APBA1: variants seen among roughly 807,000 people sequenced by gnomAD.
The protein encoded by APBA1 is amyloid-beta A4 precursor protein-binding family A member 1.
A neutral mutation model predicts 86.6 loss-of-function variants in APBA1; 55 were observed. That is an observed-to-expected ratio of 0.64 (90% CI 0.51 to 0.80). The LOEUF is 0.80. APBA1 is among the 30% of genes least tolerant of loss of function. APBA1 has a pLI of 0.00. For missense variants in APBA1, 1,090 were observed against 1,183.0 expected (o/e 0.92, Z 1.15); for synonymous variants, 511 against 493.9 (o/e 1.03, Z -0.46).
At chr9:69,496,696 A>G (rs1473564897) in intron 2 of APBA1, among the ~76,000 whole-genome samples, 1 of 152,064 alleles carries the variant, frequency 6.6e-6, no homozygotes, top group Non-Finnish European at 1.5e-5. Context: ...ATCTCTTCCT[A>G]CTTTACAGCA....
chr9:69,627,534 C>T (rs2133995074), intron 1 of APBA1, among the ~76,000 whole-genome samples: 1 of 151,160 alleles, frequency 6.6e-6, no homozygotes, highest in South Asian at 2.1e-4. Flanking sequence ...TGTGTGTGTG[C>T]CATCTGGGTG....
chr9:69,632,320 T>A (rs1401255199), intron 1 of APBA1, among the ~76,000 whole-genome samples: 1 of 152,132 alleles, frequency 6.6e-6, no homozygotes, highest in African/African-American at 2.4e-5. Flanking sequence ...TATTAATCAT[T>A]ACTGAATGCT....
At chr9:69,576,026 TC>T (rs1345010124) in intron 1 of APBA1, among the ~76,000 whole-genome samples, 1 of 151,326 alleles carries the variant, frequency 6.6e-6, no homozygotes, top group Non-Finnish European at 1.5e-5. Flanking sequence ...AAACAAACAA[TC>T]CCAACAAAAA....
chr9:69,526,932 A>G (rs890922629), intron 1 of APBA1, among the ~76,000 whole-genome samples: 11 of 152,260 alleles, frequency 7.2e-5, no homozygotes, highest in African/African-American at 2.6e-4. Context: ...TTGTAGCAAC[A>G]TGCATGCAGC....
chr9:69,526,623 A>G (rs1039170775), intron 1 of APBA1, among the ~76,000 whole-genome samples: 5 of 152,116 alleles, frequency 3.3e-5, no homozygotes, highest in Non-Finnish European at 5.9e-5. Context: ...TGTTGGGTGG[A>G]ATGTAAATTA....
chr9:69,568,268 C>T (rs1214430086), intron 1 of APBA1, among the ~76,000 whole-genome samples: 1 of 152,158 alleles, frequency 6.6e-6, no homozygotes, highest in African/African-American at 2.4e-5. Context: ...ACAAACACAG[C>T]AAGGGTTGGG....
At chr9:69,484,967 T>C (rs1271371007) in intron 2 of APBA1, among the ~76,000 whole-genome samples, 1 of 151,922 alleles carries the variant, frequency 6.6e-6, no homozygotes, top group Non-Finnish European at 1.5e-5. Context: ...ACATGCAGTT[T>C]TTTTAAACTG....
intron 1 of APBA1, among the ~76,000 whole-genome samples, chr9:69,540,932 G>A (rs1391939587): frequency 6.6e-6 from 1 of 152,128 alleles, no homozygotes; most frequent in Non-Finnish European, 1.5e-5. Flanking sequence ...CCCCATATAG[G>A]TGAAATCATA....
intron 10 of APBA1, among the ~76,000 whole-genome samples, chr9:69,442,943 A>G (rs574445218): frequency 1.8e-4 from 27 of 152,360 alleles, no homozygotes; most frequent in Non-Finnish European, 3.7e-4. Flanking sequence ...GGTGTTAGAC[A>G]ACTTCACTGC....
intron 1 of APBA1, among the ~76,000 whole-genome samples, chr9:69,572,617 T>A (rs1277264392): frequency 6.6e-6 from 1 of 152,232 alleles, no homozygotes; most frequent in Non-Finnish European, 1.5e-5. Context: ...TCTAGACCTC[T>A]TGTCTGGGCT....
chr9:69,571,283 T>C (rs1452377808), intron 1 of APBA1, among the ~76,000 whole-genome samples: 1 of 152,186 alleles, frequency 6.6e-6, no homozygotes, highest in Non-Finnish European at 1.5e-5. Context: ...ATCTGTTTCC[T>C]GTGCCAGTTC....
In APBA1 at chr9:69,584,423, A is replaced by G. The variant is rs907484369; in HGVS notation, c.-69-67144T>C. On this transcript the variant is annotated intron_variant, in intron 1 of 12. Transcript: ENST00000265381. Reference sequence around the variant, plus strand: ...CTCTATTCACTCAATAAATGAAGACATAAGTGATGTTTACTAATGTACCAT... The same window carrying G: ...CTCTATTCACTCAATAAATGAAGACGTAAGTGATGTTTACTAATGTACCAT... 2.6e-4 allele frequency among the ~76,000 whole-genome samples: 40 copies of G among 152,244 alleles called. 1 individual carries two copies. Among genetic ancestry groups the G allele is most frequent in the Non-Finnish European group, 4.4e-5 (3 of 68,046 alleles).
At chr9:69,488,402 A>G (rs1835646402) in intron 2 of APBA1, among the ~76,000 whole-genome samples, 2 of 152,228 alleles carry the variant, frequency 1.3e-5, no homozygotes, top group Admixed American at 6.5e-5. Context: ...GAATTCGTGT[A>G]CAGTTGGAAC....
At chr9:69,456,929 T>A in intron 7 of APBA1, 124 bp downstream of exon 7, 1 of 800,734 alleles carries the variant, frequency 1.2e-6, no homozygotes, top group Non-Finnish European at 2.0e-6. Flanking sequence ...ACCTTCTAGC[T>A]CACTGGGGCC....
At chr9:69,543,276 TCCCCCCCCC>T (rs5898083) in intron 1 of APBA1, among the ~76,000 whole-genome samples, 15 of 145,190 alleles carry the variant, frequency 1.0e-4, no homozygotes, top group Admixed American at 9.5e-4. Context: ...TGCTGGGATT[TCCCCCCCCC>T]CCCCCCGGCC....
At chr9:69,529,472 G>A (rs1366119748) in intron 1 of APBA1, among the ~76,000 whole-genome samples, 1 of 152,014 alleles carries the variant, frequency 6.6e-6, no homozygotes, top group Non-Finnish European at 1.5e-5. Context: ...GTGGGGAAAG[G>A]CAAAAACTAT....
chr9:69,457,265 G>A, intron 6 of APBA1, 126 bp from the exon 7 acceptor site: 1 of 678,328 alleles, frequency 1.5e-6, no homozygotes, highest in Non-Finnish European at 2.6e-6. Flanking sequence ...ACAGACTCTA[G>A]GGTTAAACTG....
At chr9:69,463,641 CAG>C (rs1192107541) in intron 5 of APBA1, 2 of 152,130 alleles carry the variant, frequency 1.3e-5, no homozygotes, top group Non-Finnish European at 2.9e-5. Context: ...CCACGAATAA[CAG>C]GGCGCGTGGT....
intron 1 of APBA1, among the ~76,000 whole-genome samples, chr9:69,615,218 C>A (rs953073225): frequency 6.6e-6 from 1 of 152,120 alleles, no homozygotes; most frequent in Non-Finnish European, 1.5e-5. Context: ...AAATAAGAGA[C>A]AATTTTTCTC....
Sources: gnomAD v4.1 joint callset for allele counts (sites outside exome capture counted in the v4.1 genomes callset) on GRCh38, gnomAD v4.1.1 for gene constraint, MANE v1.5 for transcripts, NCBI Gene and HGNC (gene_info 2026-07-23, HGNC 2026-07-21) for gene names.